Variants in CEP112 observed in about 807,000 individuals in gnomAD.
The protein encoded by CEP112 is centrosomal protein 112, also known as centrosomal protein of 112 kDa.
In CEP112, 127 loss-of-function variants were observed where a neutral mutation model predicts 153.0. The ratio of observed to expected loss-of-function variants is 0.83; its 90% confidence interval spans 0.72 to 0.96. The LOEUF (loss-of-function observed/expected upper bound fraction) is 0.96, where lower values mean the gene tolerates loss of function less well. Ranked by LOEUF, CEP112 falls within the 40% of genes least tolerant of loss-of-function variation. CEP112 has a pLI of 0.00. For synonymous variants in CEP112, 358 were observed against 374.4 expected (o/e 0.96, Z 0.51); for missense variants, 1,089 against 1,101.2 (o/e 0.99, Z 0.16).
chr17:66,117,869 CAGA>C (rs1316576940), intron 6 of CEP112, among the ~76,000 whole-genome samples: 1 of 152,092 alleles, frequency 6.6e-6, no homozygotes, highest in Non-Finnish European at 1.5e-5. Flanking sequence ...AGACACTTCT[CAGA>C]AGAAGACATA....
chr17:65,898,844 C>T (rs952956596), intron 20 of CEP112, among the ~76,000 whole-genome samples: 3 of 152,068 alleles, frequency 2.0e-5, no homozygotes, highest in African/African-American at 7.2e-5. Context: ...TGGGGAGAAT[C>T]ACAAAGGTTC....
chr17:65,767,390 T>C (rs8072765), intron 21 of CEP112, among the ~76,000 whole-genome samples: 72,805 of 151,774 alleles, frequency 0.48, 19,134 homozygotes, highest in East Asian at 0.78. Flanking sequence ...AAAGCATAAA[T>C]GTCCCATAAG....
chr17:66,105,020 A>C (rs1343221427), intron 6 of CEP112, among the ~76,000 whole-genome samples: 1 of 152,238 alleles, frequency 6.6e-6, no homozygotes, highest in Non-Finnish European at 1.5e-5. Context: ...ATTGTGGTGT[A>C]TAAACTACTC....
intron 4 of CEP112, among the ~76,000 whole-genome samples, chr17:66,151,137 A>G (rs2071193901): frequency 6.6e-6 from 1 of 152,000 alleles, no homozygotes; most frequent in Admixed American, 6.6e-5. Flanking sequence ...TTTTTATCCA[A>G]TCCAAAAAGC....
chr17:65,880,132 CAT>C (rs1433256123), intron 20 of CEP112, among the ~76,000 whole-genome samples: 1 of 152,052 alleles, frequency 6.6e-6, no homozygotes, highest in Non-Finnish European at 1.5e-5. Flanking sequence ...TATTGTTACT[CAT>C]GTATAAAAAT....
chr17:65,968,874 TATTA>T (rs968034855), intron 17 of CEP112, among the ~76,000 whole-genome samples: 12 of 152,272 alleles, frequency 7.9e-5, no homozygotes, highest in Admixed American at 3.3e-4. Flanking sequence ...TACCATTTCA[TATTA>T]ATTAGCTGAA....
Position 65,644,203 on chromosome 17 carries a change from GA to G in CEP112, c.2698-3139del. 2.8e-6 allele frequency: 2 copies of G among 706,068 alleles called. 1 individual carries two copies. The highest frequency in any genetic ancestry group is 3.3e-5 in the South Asian group (2 of 61,054). The allele number at this position is 706,068 out of a possible 1,614,324, so 43.7% of individuals were successfully genotyped here. A position where few individuals can be genotyped will look rare whatever the true frequency, so the allele number is the denominator to read the frequency against. On this transcript the variant is annotated intron_variant, in intron 24 of 26. Transcript: ENST00000535342. ...TCAGCTATGGTTGCGTTGGGGACCAGAAAGTGGCCATAGCTGGGGGAACTGG... is the reference window on the plus strand; with the variant it reads ...TCAGCTATGGTTGCGTTGGGGACCAGAAGTGGCCATAGCTGGGGGAACTGG...
intron 24 of CEP112, among the ~76,000 whole-genome samples, chr17:65,646,597 A>T (rs184971727): frequency 6.6e-6 from 1 of 152,176 alleles, no homozygotes; most frequent in African/African-American, 2.4e-5. Flanking sequence ...TGATGACCCA[A>T]TGAGGGAAGC....
At chr17:65,721,080 C>T (rs1252419566) in intron 23 of CEP112, among the ~76,000 whole-genome samples, 1 of 147,722 alleles carries the variant, frequency 6.8e-6, no homozygotes, top group Admixed American at 6.9e-5. Flanking sequence ...GGCATGATCT[C>T]GGCTCACTGC....
chr17:65,834,038 A>G (rs2057199374), intron 21 of CEP112, among the ~76,000 whole-genome samples: 1 of 152,218 alleles, frequency 6.6e-6, no homozygotes, highest in African/African-American at 2.4e-5. Flanking sequence ...AAGCCCAGAA[A>G]TAAGGCTACA....
intron 17 of CEP112, among the ~76,000 whole-genome samples, chr17:65,990,123 C>T (rs2063544093): frequency 6.6e-6 from 1 of 151,786 alleles, no homozygotes. Context: ...TACCAAACAA[C>T]CAGAACACAA....
intron 21 of CEP112, among the ~76,000 whole-genome samples, chr17:65,769,512 T>C (rs1327295690): frequency 2.0e-5 from 3 of 152,076 alleles, no homozygotes; most frequent in Non-Finnish European, 4.4e-5. Flanking sequence ...TGATTTAAAA[T>C]TGTATTACAA....
At chr17:66,089,680 C>A (rs531226974) in intron 8 of CEP112, among the ~76,000 whole-genome samples, 2 of 151,844 alleles carry the variant, frequency 1.3e-5, no homozygotes, top group South Asian at 4.1e-4. Context: ...GTTTACAGGA[C>A]GTATGGGACA....
intron 21 of CEP112, among the ~76,000 whole-genome samples, chr17:65,816,175 A>AT (rs201836292): frequency 0.053 from 8,082 of 152,122 alleles, 234 homozygotes; most frequent in Admixed American, 0.082. Flanking sequence ...TTTTGCTGAA[A>AT]TATAAATCAC....
Position 65,860,233 on chromosome 17 carries a change from C to G in CEP112, c.2164-8199G>C, listed in dbSNP as rs73344868. Reference sequence around the variant, plus strand: ...ACAAACAAAGAATCTTAGAAATAAGCCTATCAAAAGATGTGCAAAACCCTA... The same window carrying G: ...ACAAACAAAGAATCTTAGAAATAAGGCTATCAAAAGATGTGCAAAACCCTA... On this transcript the variant is annotated intron_variant, in intron 20 of 26. Transcript: ENST00000535342. Among the ~76,000 whole-genome samples, 1,479 of 152,034 alleles carry G rather than the reference C, an allele frequency of 9.7e-3. 30 individuals are homozygous for G. Among genetic ancestry groups the G allele is most frequent in the African/African-American group, 0.034 (1,409 of 41,476 alleles).
intron 23 of CEP112, among the ~76,000 whole-genome samples, chr17:65,715,284 A>G (rs1197764192): frequency 1.3e-5 from 2 of 152,098 alleles, no homozygotes; most frequent in East Asian, 3.9e-4. Context: ...TCAGGTGCTC[A>G]GTCGGGATTG....
At chr17:65,870,058 AAAGAAAG>A (rs1459189167) in intron 20 of CEP112, among the ~76,000 whole-genome samples, 3 of 78,208 alleles carry the variant, frequency 3.8e-5, no homozygotes, top group South Asian at 3.9e-4. Flanking sequence ...AGAAAGAAAG[AAAGAAAG>A]AAAGAAAGAA....
chr17:65,635,588 A>T lies in CEP112; in HGVS notation c.*383T>A. ...AACATAGGAACATGAACATGAAAAC[A>T]ATGTAAACAGGTTAGAATTTTTGAT... On this transcript the variant is annotated 3_prime_UTR_variant, in exon 27 of 27. Coordinates refer to ENST00000535342, the MANE Select transcript of CEP112 (RefSeq NM_001199165.4). 4.2e-6 allele frequency: 1 copy of T among 237,744 alleles called. No individual in the cohort carries two copies. The allele number at this position is 237,744 out of a possible 1,614,324, so 14.7% of individuals were successfully genotyped here.
At chr17:65,912,499 G>A (rs1360502070) in intron 19 of CEP112, among the ~76,000 whole-genome samples, 3 of 152,180 alleles carry the variant, frequency 2.0e-5, no homozygotes, top group African/African-American at 7.2e-5. Context: ...TATCCTCTAG[G>A]CCCTCCCATG....
Sources: gnomAD v4.1 joint callset for allele counts (sites outside exome capture counted in the v4.1 genomes callset) on GRCh38, gnomAD v4.1.1 for gene constraint, MANE v1.5 for transcripts, NCBI Gene and HGNC (gene_info 2026-07-23, HGNC 2026-07-21) for gene names.